ADCY9: variants seen among roughly 807,000 people sequenced by gnomAD.
ADCY9 encodes adenylate cyclase type 9.
A neutral mutation model predicts 101.5 loss-of-function variants in ADCY9; 50 were observed. That is an observed-to-expected ratio of 0.49 (90% confidence interval 0.39 to 0.62). The LOEUF (loss-of-function observed/expected upper bound fraction) is 0.62, where lower values mean the gene tolerates loss of function less well. Ranked by LOEUF, ADCY9 falls within the 20% of genes least tolerant of loss-of-function variation. The probability of loss-of-function intolerance (pLI) is 0.00; values close to 1 mark genes in which losing one functional copy is unlikely to be tolerated. For missense variants in ADCY9, 1,662 were observed against 1,800.4 expected (o/e 0.92, Z 1.39); for synonymous variants, 905 against 769.3 (o/e 1.18, Z -2.92).
intron 6 of ADCY9, among the ~76,000 whole-genome samples, chr16:3,984,943 G>A (rs529608398): frequency 6.6e-6 from 1 of 152,134 alleles, no homozygotes; most frequent in Non-Finnish European, 1.5e-5. Context: ...CACTTGGACG[G>A]TGGGAGCAAG....
chr16:4,094,773 T>C (rs2056992768), intron 2 of ADCY9, among the ~76,000 whole-genome samples: 1 of 152,076 alleles, frequency 6.6e-6, no homozygotes, highest in African/African-American at 2.4e-5. Context: ...GAGGAAAAGC[T>C]TTCATGTGTG....
At chr16:4,034,701 G>A (rs2056578144) in intron 2 of ADCY9, among the ~76,000 whole-genome samples, 1 of 152,184 alleles carries the variant, frequency 6.6e-6, no homozygotes, top group Non-Finnish European at 1.5e-5. Context: ...TTACAGGCAT[G>A]AGCCACTGCA....
At chr16:3,990,729 T>A (rs925151894) in intron 5 of ADCY9, among the ~76,000 whole-genome samples, 2 of 152,176 alleles carry the variant, frequency 1.3e-5, no homozygotes, top group East Asian at 1.9e-4. Flanking sequence ...GCAGAGAGGA[T>A]GTGCACAAGG....
intron 10 of ADCY9, among the ~76,000 whole-genome samples, chr16:3,967,564 A>AAT (rs2056010603): frequency 6.8e-6 from 1 of 147,282 alleles, no homozygotes; most frequent in African/African-American, 2.5e-5. Context: ...TAATTAAAAA[A>AAT]TTTTTTTTTT....
At chr16:4,019,788 G>A (rs1816708916) in intron 2 of ADCY9, among the ~76,000 whole-genome samples, 1 of 152,124 alleles carries the variant, frequency 6.6e-6, no homozygotes, top group Non-Finnish European at 1.5e-5. Context: ...TAGAGAAGAA[G>A]AGATACATGC....
intron 2 of ADCY9, among the ~76,000 whole-genome samples, chr16:4,032,365 C>A (rs558329720): frequency 6.6e-6 from 1 of 151,918 alleles, no homozygotes; most frequent in Admixed American, 6.6e-5. Context: ...CAAGATCTGG[C>A]CCCCTGCGGC....
rs2055955067 is a variant in ADCY9 at position 3,963,250 on chromosome 16, T to C, written c.*2525A>G. On this transcript the variant is annotated 3_prime_UTR_variant, in exon 11 of 11. Coordinates refer to ENST00000294016, the MANE Select transcript of ADCY9 (RefSeq NM_001116.4). ...CTGAAGTATTGCTTCCTGCCCTAAG[T>C]TCCTAAGAGGTATTGCCACCCTGAA... 2.5e-6 allele frequency: 1 copy of C among 397,508 alleles called. No homozygotes were observed. The highest frequency in any genetic ancestry group is 4.4e-6 in the Non-Finnish European group (1 of 225,416). 24.6% of individuals were successfully genotyped at this position (397,508 alleles called of 1,614,324 possible).
intron 5 of ADCY9, among the ~76,000 whole-genome samples, chr16:3,954,208 G>A (rs1041885466): frequency 2.6e-5 from 4 of 152,244 alleles, no homozygotes; most frequent in African/African-American, 9.6e-5. Flanking sequence ...GCGTCGCTGA[G>A]CTGGCCGGGG....
At chr16:4,082,889 G>A (rs974665369) in intron 2 of ADCY9, among the ~76,000 whole-genome samples, 4 of 152,266 alleles carry the variant, frequency 2.6e-5, no homozygotes, top group African/African-American at 9.6e-5. Context: ...TTGGCCAAAG[G>A]GAGCTGAGAG....
intron 2 of ADCY9, among the ~76,000 whole-genome samples, chr16:4,109,182 G>A (rs906958669): frequency 2.0e-5 from 3 of 151,740 alleles, no homozygotes; most frequent in Admixed American, 6.6e-5. Context: ...CTTATTTATG[G>A]TTTGACTCCC....
At chr16:4,063,503 G>A (rs2056784081) in intron 2 of ADCY9, among the ~76,000 whole-genome samples, 1 of 152,112 alleles carries the variant, frequency 6.6e-6, no homozygotes, top group Non-Finnish European at 1.5e-5. Flanking sequence ...AAGCCCAGGA[G>A]TTGAAGAAGA....
At position 3,970,371 on chromosome 16, in the gene ADCY9, T is replaced by C. The variant is rs145316395; in HGVS notation, c.2871-3405A>G. On this transcript the variant is annotated intron_variant, in intron 10 of 10. Transcript: ENST00000294016. ...TTTTTTCTTTCTTGCTCTGTTGCCC[T>C]GGCTGGAGTGCAATGGCGCGACCTT... Among the ~76,000 whole-genome samples, 1,038 of 151,980 alleles carry C rather than the reference T, an allele frequency of 6.8e-3. 13 individuals are homozygous for C. The highest frequency in any genetic ancestry group is 0.023 in the African/African-American group (958 of 41,456).
At position 3,969,614 on chromosome 16, in the gene ADCY9, T is replaced by TATACACGTA. The variant is rs1567414929; in HGVS notation, c.2871-2649_2871-2648insTACGTGTAT. 3.4e-3 allele frequency among the ~76,000 whole-genome samples: 174 copies of TATACACGTA among 50,712 alleles called. 3 individuals are homozygous for TATACACGTA. The highest frequency in any genetic ancestry group is 5.4e-3 in the Non-Finnish European group (144 of 26,446). The allele number at this position is 50,712 out of a possible 152,430, so 33.3% of individuals were successfully genotyped here. A position where few individuals can be genotyped will look rare whatever the true frequency, so the allele number is the denominator to read the frequency against. Reference sequence around the variant, plus strand: ...TATATATATATATATATATATGTATTTTTTTTTTTTTTTAAGAAGAGACAG... The same window carrying TATACACGTA: ...TATATATATATATATATATATGTATTATACACGTATTTTTTTTTTTTTAAGAAGAGACAG... On this transcript the variant is annotated intron_variant, in intron 10 of 10. Coordinates refer to ENST00000294016, the MANE Select transcript of ADCY9 (RefSeq NM_001116.4).
At chr16:4,084,768 A>G (rs1284178754) in intron 2 of ADCY9, among the ~76,000 whole-genome samples, 1 of 151,974 alleles carries the variant, frequency 6.6e-6, no homozygotes, top group Non-Finnish European at 1.5e-5. Flanking sequence ...TGATAGAATC[A>G]GTGGCAATCT....
intron 6 of ADCY9, among the ~76,000 whole-genome samples, chr16:3,987,621 G>A (rs2056204698): frequency 1.3e-5 from 2 of 152,220 alleles, no homozygotes; most frequent in Non-Finnish European, 2.9e-5. Context: ...AGCCATGTCT[G>A]GGACATTAAC....
At chr16:4,020,076 CA>C (rs56249170) in intron 2 of ADCY9, among the ~76,000 whole-genome samples, 101,479 of 150,602 alleles carry the variant, frequency 0.67, 34,188 homozygotes, top group Middle Eastern at 0.74. Context: ...GACTCCATCT[CA>C]AAAAAAGAAA....
intron 2 of ADCY9, among the ~76,000 whole-genome samples, chr16:4,039,863 A>G (rs1231698569): frequency 6.6e-6 from 1 of 152,060 alleles, no homozygotes; most frequent in Non-Finnish European, 1.5e-5. Flanking sequence ...ACATAGTGAG[A>G]TCCCATCTCT....
At chr16:4,055,168 C>T (rs1390537672) in intron 2 of ADCY9, among the ~76,000 whole-genome samples, 1 of 152,134 alleles carries the variant, frequency 6.6e-6, no homozygotes. Context: ...TTCTTCCACA[C>T]CGGGAAGGGC....
At chr16:4,070,734 C>T (rs1430362437) in intron 2 of ADCY9, among the ~76,000 whole-genome samples, 1 of 151,810 alleles carries the variant, frequency 6.6e-6, no homozygotes, top group Non-Finnish European at 1.5e-5. Context: ...CTACTTGACC[C>T]CAGGAGTTCC....
Sources: gnomAD v4.1 joint callset for allele counts (sites outside exome capture counted in the v4.1 genomes callset) on GRCh38, gnomAD v4.1.1 for gene constraint, MANE v1.5 for transcripts, NCBI Gene and HGNC (gene_info 2026-07-23, HGNC 2026-07-21) for gene names.